The following PIP4K2B variants were observed in gnomAD, a reference collection of about 807,000 sequenced individuals.
PIP4K2B encodes phosphatidylinositol-5-phosphate 4-kinase type 2 beta.
A neutral mutation model predicts 42.0 loss-of-function variants in PIP4K2B; 3 were observed. The observed-to-expected ratio is 0.07, with a 90% CI of 0.03 to 0.18. The LOEUF is 0.18. PIP4K2B is among the 10% of genes least tolerant of loss of function. The pLI, the probability that PIP4K2B is intolerant of heterozygous loss-of-function variation, is 1.00. For synonymous variants in PIP4K2B, 204 were observed against 210.1 expected, an observed-to-expected ratio of 0.97 and a Z score of 0.25; for missense variants, 332 against 562.3, an observed-to-expected ratio of 0.59 and a Z score of 4.14.
intron 9 of PIP4K2B, 47 bp downstream of exon 9, chr17:38,770,389 G>A: frequency 1.7e-6 from 2 of 1,172,164 alleles, no homozygotes; most frequent in Non-Finnish European, 2.5e-6. Flanking sequence ...GGTAAGCACA[G>A]ATGCACCGAC....
intron 3 of PIP4K2B, 59 bp downstream of exon 3, chr17:38,784,184 G>A (rs1257612920): frequency 1.8e-5 from 18 of 1,007,934 alleles, no homozygotes; most frequent in Middle Eastern, 2.3e-4. Context: ...TACCTGTCCT[G>A]TGGCTTCCTG....
At chr17:38,779,646 T>A in intron 4 of PIP4K2B, 117 bp from the exon 5 acceptor site, 1 of 842,678 alleles carries the variant, frequency 1.2e-6, no homozygotes. Flanking sequence ...TCTAGACCAG[T>A]AGTTCTCCAG....
In PIP4K2B at chr17:38,766,771, C is replaced by T. The variant is rs569281348; in HGVS notation, c.*2920G>A. 3 of 152,900 alleles carry T rather than the reference C, an allele frequency of 2.0e-5. No homozygotes were observed. The East Asian group carries it at 5.8e-4, about 29-fold the overall frequency. The allele number at this position is 152,900 out of a possible 1,614,324, so 9.5% of individuals were successfully genotyped here. On this transcript the variant is annotated 3_prime_UTR_variant, in exon 10 of 10. Coordinates refer to ENST00000619039, the MANE Select transcript of PIP4K2B (RefSeq NM_003559.5). ...TGGCTTCCCGGCATGCCCTGTGACC[C>T]CAAGCCGCAGGGTACAGGAAAGAAG...
chr17:38,796,551 G>A (rs1351278684), intron 1 of PIP4K2B, among the ~76,000 whole-genome samples: 2 of 152,080 alleles, frequency 1.3e-5, no homozygotes, highest in Non-Finnish European at 2.9e-5. Context: ...TCCCTGACAG[G>A]TGCAAAGTCT....
chr17:38,777,558 C>T, intron 7 of PIP4K2B, 129 bp downstream of exon 7: 1 of 686,492 alleles, frequency 1.5e-6, no homozygotes, highest in South Asian at 1.8e-5. Flanking sequence ...AGTGCCCACG[C>T]TGCTCAAATC....
At chr17:38,782,447 C>T (rs1178274481) in intron 3 of PIP4K2B, among the ~76,000 whole-genome samples, 4 of 152,196 alleles carry the variant, frequency 2.6e-5, no homozygotes, top group Admixed American at 6.5e-5. Context: ...CAACCCCTCA[C>T]CAAGGAACAA....
intron 3 of PIP4K2B, among the ~76,000 whole-genome samples, chr17:38,780,845 G>C (rs1321328582): frequency 6.6e-6 from 1 of 152,188 alleles, no homozygotes; most frequent in Non-Finnish European, 1.5e-5. Context: ...AGGATGGGAA[G>C]AGGACTGACT....
chr17:38,771,545 T>TC (rs1389737526), intron 7 of PIP4K2B, among the ~76,000 whole-genome samples: 29 of 41,830 alleles, frequency 6.9e-4, no homozygotes, highest in African/African-American at 8.6e-4. Flanking sequence ...GGAGATGGTC[T>TC]CAAAAAAAAA....
In PIP4K2B at chr17:38,799,502, CG is replaced by C; in HGVS notation, c.-79del. On this transcript the variant is annotated 5_prime_UTR_variant, in exon 1 of 10. Transcript: ENST00000619039. This position sits in a 1 kb window ranked among gnomAD's most constrained non-coding sequence, Gnocchi z 4.4. ...CAAGCCAGCGGCCTCAGGCCTCCCC[CG>C]GACCGATCCCCACCCCCGCTCCCTC... is the stretch of plus-strand genomic sequence containing the variant. 2.2e-6 allele frequency: 3 copies of C among 1,386,618 alleles called. No individual in the cohort carries two copies. The highest frequency in any genetic ancestry group is 2.8e-6 in the Non-Finnish European group (3 of 1,077,420). The allele number at this position is 1,386,618 out of a possible 1,614,324, so 85.9% of individuals were successfully genotyped here.
intron 4 of PIP4K2B, 191 bp from the exon 5 acceptor site, chr17:38,779,720 C>G: frequency 3.7e-6 from 2 of 545,414 alleles, no homozygotes; most frequent in Non-Finnish European, 6.6e-6. Flanking sequence ...CCTCCAGCCT[C>G]CTGTTGGCAT....
intron 1 of PIP4K2B, among the ~76,000 whole-genome samples, chr17:38,797,645 G>A (rs1374662475): frequency 1.3e-5 from 2 of 152,184 alleles, no homozygotes; most frequent in Non-Finnish European, 2.9e-5. Context: ...TGACTCTCAG[G>A]CCTCTACCAG....
At chr17:38,787,362 G>A (rs1910088192) in intron 1 of PIP4K2B, among the ~76,000 whole-genome samples, 1 of 152,118 alleles carries the variant, frequency 6.6e-6, no homozygotes, top group Admixed American at 6.6e-5. Flanking sequence ...TCCCAACCTT[G>A]TCCTATTTTA....
intron 1 of PIP4K2B, among the ~76,000 whole-genome samples, chr17:38,794,755 T>A (rs1335230911): frequency 6.6e-6 from 1 of 151,782 alleles, no homozygotes; most frequent in Non-Finnish European, 1.5e-5. Flanking sequence ...AAAGATAAAC[T>A]GGACTTTATT....
At chr17:38,794,847 CCCA>C (rs1465623973) in intron 1 of PIP4K2B, among the ~76,000 whole-genome samples, 1 of 151,720 alleles carries the variant, frequency 6.6e-6, no homozygotes, top group Non-Finnish European at 1.5e-5. Flanking sequence ...CGCCTGTAAT[CCCA>C]CCACTTTGGG....
intron 1 of PIP4K2B, among the ~76,000 whole-genome samples, chr17:38,796,779 G>A (rs1910680855): frequency 6.6e-6 from 1 of 152,138 alleles, no homozygotes; most frequent in African/African-American, 2.4e-5. Context: ...AGACCAGCAT[G>A]CCTAAATGCC....
chr17:38,798,916 C>A (rs979365433), intron 1 of PIP4K2B, among the ~76,000 whole-genome samples: 1 of 152,214 alleles, frequency 6.6e-6, no homozygotes, highest in African/African-American at 2.4e-5. Flanking sequence ...CCCTCACAAA[C>A]AGGATGAGGG....
chr17:38,791,219 C>A (rs1181188961), intron 1 of PIP4K2B, among the ~76,000 whole-genome samples: 1 of 152,024 alleles, frequency 6.6e-6, no homozygotes, highest in African/African-American at 2.4e-5. Context: ...ATACATCAGG[C>A]CAGAAACAAG....
At chr17:38,774,935 A>T (rs1909247249) in intron 7 of PIP4K2B, among the ~76,000 whole-genome samples, 1 of 149,054 alleles carries the variant, frequency 6.7e-6, no homozygotes, top group South Asian at 2.1e-4. Flanking sequence ...AATATTAATC[A>T]GTTTTTGTGT....
chr17:38,770,619 CCA>C, intron 8 of PIP4K2B, 80 bp from the exon 9 acceptor site: 1 of 806,014 alleles, frequency 1.2e-6, no homozygotes, highest in East Asian at 2.4e-5. Context: ...GCTACAACCC[CCA>C]GACACAAGGC....
Sources: allele counts gnomAD v4.1 joint callset (sites outside exome capture counted in the v4.1 genomes callset), GRCh38; gene constraint gnomAD v4.1.1; non-coding constraint Gnocchi (gnomAD v3.1); transcripts MANE v1.5; gene names NCBI Gene and HGNC (gene_info 2026-07-23, HGNC 2026-07-21).